UNC5D: variants seen among roughly 807,000 people sequenced by gnomAD.
UNC5D encodes unc-5 netrin receptor D.
In UNC5D, 39 loss-of-function variants were observed where a neutral mutation model predicts 105.4. That is an observed-to-expected ratio of 0.37 (90% confidence interval 0.29 to 0.48). The LOEUF (loss-of-function observed/expected upper bound fraction) is 0.48. UNC5D is among the 20% of genes least tolerant of loss of function. The pLI, the probability that UNC5D is intolerant of heterozygous loss-of-function variation, is 0.98. For synonymous variants in UNC5D, 452 were observed against 450.4 expected, an observed-to-expected ratio of 1.00 and a Z score of -0.04; for missense variants, 991 against 1,202.4, an observed-to-expected ratio of 0.82 and a Z score of 2.60.
At chr8:35,710,403 T>A (rs551253251) in intron 8 of UNC5D, among the ~76,000 whole-genome samples, 14 of 152,284 alleles carry the variant, frequency 9.2e-5, no homozygotes, top group Admixed American at 5.2e-4. Context: ...AAACTTGGCA[T>A]AGCAAAACTG....
intron 1 of UNC5D, among the ~76,000 whole-genome samples, chr8:35,349,435 T>TA (rs1327544803): frequency 6.6e-5 from 10 of 151,292 alleles, no homozygotes; most frequent in African/African-American, 2.4e-4. Context: ...CCATTTTCAT[T>TA]ACTATTGCCA....
chr8:35,470,799 T>TACAGAGCAAGACTTTCTCA, intron 1 of UNC5D, among the ~76,000 whole-genome samples: 1 of 34,820 alleles, frequency 2.9e-5, no homozygotes. Context: ...AATAAATAAA[T>TACAGAGCAAGACTTTCTCA]AAATAAATAA....
rs529067404 is a variant in UNC5D, at chr8:35,478,164, T to G, written c.104-71128T>G. Among the ~76,000 whole-genome samples the G allele has an allele frequency of 1.6e-3, 248 of 152,262 alleles. 1 individual carries two copies. Among genetic ancestry groups the G allele is most frequent in the Non-Finnish European group, 2.8e-3 (192 of 67,986 alleles). On this transcript the variant is annotated intron_variant, in intron 1 of 16. Transcript: ENST00000404895. The stretch of plus-strand genomic sequence containing the variant: ...TCCAAAATTAGATAAAACTTCAGAT[T>G]AATCAACACAGATGGGTTTACCTCT...
intron 1 of UNC5D, among the ~76,000 whole-genome samples, chr8:35,264,837 T>G (rs1167121114): frequency 1.3e-5 from 2 of 152,154 alleles, no homozygotes; most frequent in Admixed American, 1.3e-4. Flanking sequence ...GGCCATCCTG[T>G]GTACCTGAGA....
At chr8:35,695,538 AAAAAT>A (rs1279047295) in intron 7 of UNC5D, among the ~76,000 whole-genome samples, 1 of 151,978 alleles carries the variant, frequency 6.6e-6, no homozygotes, top group Admixed American at 6.6e-5. Flanking sequence ...TCTGTCTCTT[AAAAAT>A]AAAATAAAAT....
intron 1 of UNC5D, among the ~76,000 whole-genome samples, chr8:35,435,549 A>G (rs911707966): frequency 6.6e-6 from 1 of 152,146 alleles, no homozygotes; most frequent in Admixed American, 6.5e-5. Flanking sequence ...AATCCAATTG[A>G]CTACATCATT....
chr8:35,521,252 G>T (rs532214282), intron 1 of UNC5D, among the ~76,000 whole-genome samples: 1 of 152,018 alleles, frequency 6.6e-6, no homozygotes, highest in Non-Finnish European at 1.5e-5. Flanking sequence ...AGAGGTGAGA[G>T]AAAATAACAA....
chr8:35,546,315 C>T (rs1377378048), intron 1 of UNC5D, among the ~76,000 whole-genome samples: 1 of 152,094 alleles, frequency 6.6e-6, no homozygotes, highest in Non-Finnish European at 1.5e-5. Context: ...ATCTAAAGGA[C>T]ATTTATTAAA....
intron 1 of UNC5D, among the ~76,000 whole-genome samples, chr8:35,277,115 T>C (rs1181712625): frequency 6.6e-6 from 1 of 152,202 alleles, no homozygotes; most frequent in East Asian, 1.9e-4. Flanking sequence ...GGTCTGGCGA[T>C]AATTTCCAGG....
chr8:35,706,216 T>C (rs1827567127), intron 8 of UNC5D, among the ~76,000 whole-genome samples: 1 of 152,224 alleles, frequency 6.6e-6, no homozygotes, highest in Non-Finnish European at 1.5e-5. Context: ...TCTCTGCAAA[T>C]GTCATCTAGG....
chr8:35,305,649 T>C (rs1182059488), intron 1 of UNC5D, among the ~76,000 whole-genome samples: 1 of 149,818 alleles, frequency 6.7e-6, no homozygotes, highest in Non-Finnish European at 1.5e-5. Context: ...CTCTTCTTTC[T>C]TTCTTTTCTT....
At chr8:35,652,681 G>GA (rs1823495924) in intron 4 of UNC5D, among the ~76,000 whole-genome samples, 2 of 151,654 alleles carry the variant, frequency 1.3e-5, no homozygotes, top group Admixed American at 1.3e-4. Context: ...TGCCAGGTGT[G>GA]AAAATCTTCT....
chr8:35,683,425 C>A, intron 4 of UNC5D, 122 bp from the exon 5 acceptor site: 2 of 990,382 alleles, frequency 2.0e-6, no homozygotes, highest in South Asian at 2.0e-5. Context: ...AGAAACCAAT[C>A]ATTGCTGTTG....
At chr8:35,579,747 A>G (rs550608187) in intron 3 of UNC5D, among the ~76,000 whole-genome samples, 41 of 152,308 alleles carry the variant, frequency 2.7e-4, no homozygotes, top group African/African-American at 6.7e-4. Flanking sequence ...AGGGTGTTCA[A>G]ATTCTCTGCT....
At chr8:35,764,013 T>A (rs1801659250) in intron 14 of UNC5D, among the ~76,000 whole-genome samples, 1 of 152,172 alleles carries the variant, frequency 6.6e-6, no homozygotes, top group Non-Finnish European at 1.5e-5. Flanking sequence ...CCCAATCAGC[T>A]GCTTTCTGCT....
intron 2 of UNC5D, among the ~76,000 whole-genome samples, chr8:35,561,681 T>C (rs967188076): frequency 6.6e-6 from 1 of 152,186 alleles, no homozygotes; most frequent in Non-Finnish European, 1.5e-5. Flanking sequence ...AAATCATAGC[T>C]TAGATATTCT....
chr8:35,541,418 AGAT>A (rs1315544228), intron 1 of UNC5D, among the ~76,000 whole-genome samples: 2 of 152,216 alleles, frequency 1.3e-5, no homozygotes, highest in East Asian at 1.9e-4. Context: ...ATTCTAATGA[AGAT>A]GATATTTAGC....
At chr8:35,696,244 A>C (rs1826765594) in intron 7 of UNC5D, among the ~76,000 whole-genome samples, 3 of 151,574 alleles carry the variant, frequency 2.0e-5, no homozygotes, top group Admixed American at 2.0e-4. Flanking sequence ...CCCAGATTCC[A>C]AAATTAGCAA....
chr8:35,338,935 G>A, intron 1 of UNC5D, among the ~76,000 whole-genome samples: 1 of 151,918 alleles, frequency 6.6e-6, no homozygotes, highest in East Asian at 1.9e-4. Context: ...TGTACCTTGG[G>A]GCTGCTGTTT....
Sources: gnomAD v4.1 joint callset for allele counts (sites outside exome capture counted in the v4.1 genomes callset) on GRCh38, gnomAD v4.1.1 for gene constraint, MANE v1.5 for transcripts, NCBI Gene and HGNC (gene_info 2026-07-23, HGNC 2026-07-21) for gene names.